Variants in ACTN4 observed in about 807,000 individuals in gnomAD.
ACTN4 encodes the protein actinin alpha 4, also known as alpha-actinin-4.
Under a neutral mutation model 114.2 loss-of-function variants are expected in ACTN4, and 18 were observed. The ratio of observed to expected loss-of-function variants is 0.16; its 90% confidence interval spans 0.11 to 0.23. ACTN4 has a LOEUF of 0.23. Ranked by LOEUF, ACTN4 falls within the 10% of genes least tolerant of loss-of-function variation. The pLI is 1.00. For missense variants in ACTN4, 722 were observed against 1,262.9 expected (o/e 0.57, Z 6.49); for synonymous variants, 515 against 506.3 (o/e 1.02, Z -0.23).
At chr19:38,711,215 C>G in intron 8 of ACTN4, 1 of 883,914 alleles carries the variant, frequency 1.1e-6, no homozygotes, top group Non-Finnish European at 1.4e-6. Flanking sequence ...GGCCCGGCCG[C>G]CCTCCCTGCG....
At chr19:38,713,985 T>C (rs1309559541) in intron 8 of ACTN4, among the ~76,000 whole-genome samples, 1 of 152,154 alleles carries the variant, frequency 6.6e-6, no homozygotes, top group Non-Finnish European at 1.5e-5. Flanking sequence ...TAACATTGCC[T>C]CCAAGGCAGG....
intron 6 of ACTN4, 107 bp from the exon 7 acceptor site, chr19:38,709,288 C>G (rs975304766): frequency 2.3e-6 from 2 of 853,214 alleles, no homozygotes; most frequent in Non-Finnish European, 4.1e-6. Context: ...AAGAAACCCC[C>G]AACCCTCGCC....
At chr19:38,680,125 A>C (rs1048758573) in intron 1 of ACTN4, among the ~76,000 whole-genome samples, 1 of 149,016 alleles carries the variant, frequency 6.7e-6, no homozygotes, top group African/African-American at 2.5e-5. Context: ...TCTCTCCCCT[A>C]TCAGACGCTG....
At chr19:38,675,254 A>G (rs1301662801) in intron 1 of ACTN4, among the ~76,000 whole-genome samples, 2 of 152,236 alleles carry the variant, frequency 1.3e-5, no homozygotes, top group Non-Finnish European at 2.9e-5. Context: ...GGGAGAGTAC[A>G]GCCAACCTGG....
In ACTN4 at chr19:38,727,109, C is replaced by T; in HGVS notation, c.2337+6C>T. The T allele has an allele frequency of 6.2e-7, 1 of 1,613,776 alleles. No homozygotes were observed. The highest frequency in any genetic ancestry group is 1.3e-5 in the African/African-American group (1 of 75,044). On this transcript the variant is annotated splice_donor_region_variant and intron_variant, in intron 18 of 20. Coordinates refer to ENST00000252699, the MANE Select transcript of ACTN4 (RefSeq NM_004924.6). The surrounding 1 kb of genome is among the most constrained non-coding windows in gnomAD (Gnocchi z 5.4). ...CCTTCAACCACTTCGACAAGGTGAGCAGCCTGCCACCTCCTCGGCCTCTCC... is the reference window on the plus strand; with the variant it reads ...CCTTCAACCACTTCGACAAGGTGAGTAGCCTGCCACCTCCTCGGCCTCTCC...
intron 1 of ACTN4, among the ~76,000 whole-genome samples, chr19:38,665,892 C>T (rs1172654298): frequency 6.6e-6 from 1 of 152,202 alleles, no homozygotes; most frequent in Non-Finnish European, 1.5e-5. Flanking sequence ...AAGTCCAACT[C>T]AAGTTAGAAA....
chr19:38,673,356 C>G (rs1465983037), intron 1 of ACTN4, among the ~76,000 whole-genome samples: 1 of 149,406 alleles, frequency 6.7e-6, no homozygotes, highest in Non-Finnish European at 1.5e-5. Context: ...AGCACACAGC[C>G]TAGTCGGGGA....
chr19:38,650,726 A>G (rs1255341472), intron 1 of ACTN4, among the ~76,000 whole-genome samples: 1 of 152,098 alleles, frequency 6.6e-6, no homozygotes, highest in Non-Finnish European at 1.5e-5. Context: ...CTGCACTCCC[A>G]GGCTGGCTGG....
chr19:38,689,345 T>C (rs1037994754), intron 1 of ACTN4, among the ~76,000 whole-genome samples: 8 of 152,166 alleles, frequency 5.3e-5, no homozygotes, highest in Non-Finnish European at 1.0e-4. Context: ...GTTCCACTTA[T>C]ATGAAATGCC....
chr19:38,687,182 G>A (rs965635816), intron 1 of ACTN4, among the ~76,000 whole-genome samples: 1 of 151,848 alleles, frequency 6.6e-6, no homozygotes, highest in Non-Finnish European at 1.5e-5. Context: ...AGTTCAAGAC[G>A]GCTGGTCTTG....
intron 7 of ACTN4, among the ~76,000 whole-genome samples, chr19:38,709,885 G>A (rs1341298249): frequency 6.6e-6 from 1 of 152,180 alleles, no homozygotes; most frequent in East Asian, 1.9e-4. Context: ...GGAGTGTTTT[G>A]TTTTTTCCTT....
intron 1 of ACTN4, among the ~76,000 whole-genome samples, chr19:38,650,594 C>G (rs1013930856): frequency 6.6e-6 from 1 of 152,218 alleles, no homozygotes; most frequent in African/African-American, 2.4e-5. Context: ...GGGGAAACTA[C>G]TGCTTCACCT....
chr19:38,700,566 ACT>A (rs1439567273), intron 1 of ACTN4, 32 bp from the exon 2 acceptor site: 4 of 1,574,668 alleles, frequency 2.5e-6, no homozygotes, highest in East Asian at 2.2e-5. Context: ...AGCCAGGCTG[ACT>A]CTGCGCACTG....
intron 17 of ACTN4, among the ~76,000 whole-genome samples, chr19:38,726,681 C>T (rs1969243276): frequency 6.6e-6 from 1 of 152,198 alleles, no homozygotes; most frequent in Non-Finnish European, 1.5e-5. Context: ...AGACACTGAC[C>T]AGAGTTTGTC....
intron 1 of ACTN4, among the ~76,000 whole-genome samples, chr19:38,691,430 A>C (rs1187502565): frequency 1.3e-5 from 2 of 151,578 alleles, no homozygotes; most frequent in Admixed American, 6.6e-5. Context: ...AAAACAAAAA[A>C]AAAAACCCAA....
At chr19:38,683,662 C>T (rs772089983) in intron 1 of ACTN4, among the ~76,000 whole-genome samples, 16 of 152,226 alleles carry the variant, frequency 1.1e-4, no homozygotes, top group Non-Finnish European at 1.6e-4. Context: ...CTTTATCGGG[C>T]GTTGCCTGTG....
rs554917767 is a variant in ACTN4, at chr19:38,717,271, C to T, written c.1098C>T (p.Leu366=). Residue 366 remains leucine (L), a synonymous_variant, in exon 10 of 21, where the codon CTC becomes CTT. Coordinates refer to ENST00000252699, the MANE Select transcript of ACTN4 (RefSeq NM_004924.6). This position sits in a 1 kb window ranked among gnomAD's most constrained non-coding sequence, Gnocchi z 4.0. ...ACACGCTGCAGACCAAGCTGCGCCT[C>T]AGCAACCGGCCCGCCTTCATGCCCT... ...NFNTLQTKLR[L]SNRPAFMPSE... 9.9e-6 allele frequency: 16 copies of T among 1,614,048 alleles called. No individual in the cohort carries two copies. In the African/African-American group the frequency reaches 2.0e-4, roughly 20 times the overall value.
At chr19:38,659,065 C>CTTTCTTTTTTT (rs1555822757) in intron 1 of ACTN4, among the ~76,000 whole-genome samples, 1 of 111,692 alleles carries the variant, frequency 9.0e-6, no homozygotes, top group East Asian at 2.5e-4. Context: ...CTTTTCTTTT[C>CTTTCTTTTTTT]TTTTTTTTTT....
chr19:38,725,979 A>G, intron 17 of ACTN4, 76 bp downstream of exon 17: 1 of 1,559,446 alleles, frequency 6.4e-7, no homozygotes, highest in East Asian at 2.2e-5. Flanking sequence ...CGGGCCAGTG[A>G]GAAGATAGCT....
Sources: allele counts gnomAD v4.1 joint callset (sites outside exome capture counted in the v4.1 genomes callset), GRCh38; gene constraint gnomAD v4.1.1; non-coding constraint Gnocchi (gnomAD v3.1); transcripts MANE v1.5; gene names NCBI Gene and HGNC (gene_info 2026-07-23, HGNC 2026-07-21).